Variants in SMIM35 observed in about 807,000 individuals in gnomAD.
SMIM35 encodes TMPRSS4 antisense RNA 1 (non-protein coding).
At chr11:118,048,800 A>C (rs945170478) in intron 1 of SMIM35, among the ~76,000 whole-genome samples, 34 of 151,668 alleles carry the variant, frequency 2.2e-4, no homozygotes, top group Non-Finnish European at 1.0e-4. Flanking sequence ...GCCATCCCGG[A>C]AGAGATGGAG....
chr11:118,060,585 G>A (rs77100939), intron 1 of SMIM35, among the ~76,000 whole-genome samples: 3,381 of 152,272 alleles, frequency 0.022, 62 homozygotes, highest in Non-Finnish European at 0.035. Flanking sequence ...CTGGGAGACT[G>A]TCCTTGGCCG....
Position 118,004,053 on chromosome 11 carries a change from T to C in SMIM35, c.*2357A>G, listed in dbSNP as rs2058110604. ...CCCTGGGAGGGCTCTCTTCCTGGCT[T>C]GGAGACGGCCTCCTTCTTGCTGTGG... On this transcript the variant is annotated 3_prime_UTR_variant, in exon 5 of 5. Transcript: ENST00000689828. 6.6e-6 allele frequency: 1 copy of C among 152,252 alleles called. No individual in the cohort carries two copies. The allele number at this position is 152,252 out of a possible 1,614,324, so 9.4% of individuals were successfully genotyped here.
chr11:118,047,592 C>A (rs1944119755), intron 1 of SMIM35, among the ~76,000 whole-genome samples: 2 of 152,160 alleles, frequency 1.3e-5, no homozygotes, highest in African/African-American at 2.4e-5. Context: ...GGATCCCAGA[C>A]CTTAGACTGT....
At chr11:118,072,283 A>C (rs1249538813) in intron 1 of SMIM35, among the ~76,000 whole-genome samples, 1 of 152,184 alleles carries the variant, frequency 6.6e-6, no homozygotes, top group Non-Finnish European at 1.5e-5. Flanking sequence ...TGAGGTCAGC[A>C]GTTCGAGATC....
chr11:118,030,431 G>T (rs746076734), intron 1 of SMIM35, among the ~76,000 whole-genome samples: 1 of 152,086 alleles, frequency 6.6e-6, no homozygotes, highest in Non-Finnish European at 1.5e-5. Context: ...GAAAGAAAGT[G>T]AAAACCAAAA....
At chr11:118,073,906 A>G (rs1944613259) in intron 1 of SMIM35, among the ~76,000 whole-genome samples, 1 of 152,252 alleles carries the variant, frequency 6.6e-6, no homozygotes, top group East Asian at 1.9e-4. Context: ...AACCTCATAG[A>G]AAACAAACAA....
chr11:118,070,893 A>G (rs555076755), intron 1 of SMIM35, among the ~76,000 whole-genome samples: 3 of 152,290 alleles, frequency 2.0e-5, no homozygotes, highest in African/African-American at 4.8e-5. Context: ...AGGGCCCACC[A>G]TGCATGGTCT....
In SMIM35 at chr11:118,013,865, C is replaced by T. The variant is rs1307677604; in HGVS notation, c.174G>A (p.Leu58=). 2.5e-6 allele frequency: 1 copy of T among 399,070 alleles called. No individual in the cohort carries two copies. Among genetic ancestry groups the T allele is most frequent in the African/African-American group, 2.1e-5 (1 of 48,736 alleles). The allele number at this position is 399,070 out of a possible 1,614,324, so 24.7% of individuals were successfully genotyped here. Residue 58 remains leucine (L), a synonymous_variant, in exon 4 of 5, where the codon CTG becomes CTA. Coordinates refer to ENST00000689828, the MANE Select transcript of SMIM35 (RefSeq NM_001394165.1). ...NLYQIRNLKD[L]EMGPPFTISG... Reference sequence around the variant, plus strand: ...TGATGGTGAAGGGTGGACCCATCTCCAGATCCTTCAGGTTCCTGAAAAAGA... The same window carrying T: ...TGATGGTGAAGGGTGGACCCATCTCTAGATCCTTCAGGTTCCTGAAAAAGA...
At chr11:118,014,564 C>T (rs1246857574) in intron 3 of SMIM35, 144 bp downstream of exon 3, 2 of 396,630 alleles carry the variant, frequency 5.0e-6, no homozygotes, top group Non-Finnish European at 8.9e-6. Context: ...TAAATGGATT[C>T]TCGTGCCCTT....
rs117906991 is a variant in SMIM35, at chr11:118,013,152, C to T, written c.*33+596G>A. ...AGGCTGGTGGCGTATCCAGAGGAGA[C>T]CCCCTCATTCTCCACAATGAGGGGC... On this transcript the variant is annotated intron_variant, in intron 4 of 4. Transcript: ENST00000689828. Among the ~76,000 whole-genome samples, 597 of 152,274 alleles carry T rather than the reference C, an allele frequency of 3.9e-3. 16 individuals carry two copies. In the East Asian group the frequency reaches 0.042, roughly 11 times the overall value.
chr11:118,075,732 G>A (rs1565400630), intron 1 of SMIM35, among the ~76,000 whole-genome samples: 1 of 152,326 alleles, frequency 6.6e-6, no homozygotes, highest in South Asian at 2.1e-4. Context: ...GGAGGGTCAG[G>A]TCTGAGAAAT....
chr11:118,054,162 TTG>T (rs200423116), intron 1 of SMIM35, among the ~76,000 whole-genome samples: 43 of 113,438 alleles, frequency 3.8e-4, no homozygotes, highest in Non-Finnish European at 7.0e-4. Context: ...TGGGATTTTT[TTG>T]TTTTGTTTTT....
intron 1 of SMIM35, among the ~76,000 whole-genome samples, chr11:118,037,741 C>T (rs1241206294): frequency 6.6e-6 from 1 of 152,158 alleles, no homozygotes; most frequent in East Asian, 1.9e-4. Context: ...TGTGGTAGAA[C>T]TGAGTAGAGG....
chr11:118,060,151 C>T (rs1283774451), intron 1 of SMIM35, among the ~76,000 whole-genome samples: 1 of 152,182 alleles, frequency 6.6e-6, no homozygotes, highest in Admixed American at 6.5e-5. Flanking sequence ...GGGGCTCCCT[C>T]AAGCCGTATC....
rs137980156 is a variant in SMIM35, at chr11:118,034,295, G to T, written c.8-18486C>A. Reference sequence around the variant, plus strand: ...TCCATCTCACACACACACAAAAAAAGAAATAAAATAAAATAATACATGTCT... The same window carrying T: ...TCCATCTCACACACACACAAAAAAATAAATAAAATAAAATAATACATGTCT... On this transcript the variant is annotated intron_variant, in intron 1 of 4. Coordinates refer to ENST00000689828, the MANE Select transcript of SMIM35 (RefSeq NM_001394165.1). Among the ~76,000 whole-genome samples, 36 of 152,156 alleles carry T rather than the reference G, an allele frequency of 2.4e-4. No individual in the cohort carries two copies. In the Middle Eastern group the frequency reaches 0.014, roughly 58 times the overall value.
At chr11:118,021,078 A>C (rs2058226793) in intron 1 of SMIM35, among the ~76,000 whole-genome samples, 1 of 143,740 alleles carries the variant, frequency 7.0e-6, no homozygotes, top group Non-Finnish European at 1.5e-5. Flanking sequence ...TAAGATGGAC[A>C]TGAGTTATAG....
At chr11:118,075,136 A>G (rs1189535953) in intron 1 of SMIM35, among the ~76,000 whole-genome samples, 1 of 152,214 alleles carries the variant, frequency 6.6e-6, no homozygotes, top group African/African-American at 2.4e-5. Context: ...CGTGGCTCCC[A>G]GTGGCCCACT....
intron 1 of SMIM35, among the ~76,000 whole-genome samples, chr11:118,018,746 G>A (rs1012913284): frequency 3.9e-5 from 6 of 152,148 alleles, no homozygotes; most frequent in African/African-American, 1.4e-4. Flanking sequence ...TTACTTTTTT[G>A]TGTCTTCTAC....
intron 1 of SMIM35, chr11:118,031,999 G>A (rs140735019): frequency 0.045 from 6,797 of 151,938 alleles, 196 homozygotes; most frequent in Non-Finnish European, 0.068. Context: ...AAAAAAATTA[G>A]CTGGGTGTGG....
Sources: allele counts gnomAD v4.1 joint callset (sites outside exome capture counted in the v4.1 genomes callset), GRCh38; gene constraint gnomAD v4.1.1; transcripts MANE v1.5; gene names NCBI Gene and HGNC (gene_info 2026-07-23, HGNC 2026-07-21).